The following DIAPH3 variants were observed in gnomAD, a reference collection of about 807,000 sequenced individuals.
DIAPH3 encodes the protein diaphanous related formin 3, also known as protein diaphanous homolog 3.
In DIAPH3, 117 loss-of-function variants were observed where a neutral mutation model predicts 144.3. The ratio of observed to expected loss-of-function variants is 0.81; its 90% CI spans 0.70 to 0.95. DIAPH3 has a LOEUF of 0.95. Ranked by LOEUF, DIAPH3 falls within the 40% of genes least tolerant of loss-of-function variation. The pLI, the probability that DIAPH3 is intolerant of heterozygous loss-of-function variation, is 0.00. For missense variants in DIAPH3, 1,421 were observed against 1,412.7 expected, an observed-to-expected ratio of 1.01 and a Z score of -0.09; for synonymous variants, 519 against 488.9, an observed-to-expected ratio of 1.06 and a Z score of -0.81.
chr13:59,774,320 C>A, intron 26 of DIAPH3, 72 bp from the exon 27 acceptor site: 1 of 1,286,742 alleles, frequency 7.8e-7, no homozygotes, highest in East Asian at 2.5e-5. Flanking sequence ...CAGTATTAGA[C>A]ATACTTTTTT....
intron 25 of DIAPH3, among the ~76,000 whole-genome samples, chr13:59,797,887 T>C (rs1330776050): frequency 6.6e-6 from 1 of 152,204 alleles, no homozygotes; most frequent in African/African-American, 2.4e-5. Context: ...TTAACAAATT[T>C]GTTTTTATTT....
chr13:59,774,506 A>G (rs1593814900), intron 26 of DIAPH3, among the ~76,000 whole-genome samples: 5 of 152,338 alleles, frequency 3.3e-5, no homozygotes, highest in East Asian at 3.9e-4. Context: ...TTCTAGGTTC[A>G]GTGCATTGAT....
intron 20 of DIAPH3, among the ~76,000 whole-genome samples, chr13:59,908,500 T>C (rs970848003): frequency 1.3e-5 from 2 of 152,062 alleles, no homozygotes; most frequent in African/African-American, 4.8e-5. Context: ...CCTGCCTTTC[T>C]ATCAAAGAGG....
chr13:59,771,875 C>T (rs2038141647), intron 27 of DIAPH3, among the ~76,000 whole-genome samples: 1 of 151,734 alleles, frequency 6.6e-6, no homozygotes, highest in African/African-American at 2.4e-5. Context: ...TTTAGTAAGC[C>T]AAATATCTCA....
intron 21 of DIAPH3, among the ~76,000 whole-genome samples, chr13:59,866,740 A>G (rs947139969): frequency 6.6e-6 from 1 of 152,136 alleles, no homozygotes. Context: ...TTATACCACT[A>G]TATTTTAATA....
intron 2 of DIAPH3, among the ~76,000 whole-genome samples, chr13:60,122,373 A>G (rs1381352595): frequency 6.6e-6 from 1 of 152,238 alleles, no homozygotes; most frequent in African/African-American, 2.4e-5. Flanking sequence ...AGACTGAGTT[A>G]GATGCTCAAA....
At chr13:59,842,220 A>G (rs2042389575) in intron 22 of DIAPH3, among the ~76,000 whole-genome samples, 1 of 151,924 alleles carries the variant, frequency 6.6e-6, no homozygotes, top group African/African-American at 2.4e-5. Context: ...ATATGTATTT[A>G]TTTTTAAGTA....
At chr13:59,841,187 T>C (rs2139780011) in intron 22 of DIAPH3, among the ~76,000 whole-genome samples, 1 of 152,250 alleles carries the variant, frequency 6.6e-6, no homozygotes, top group South Asian at 2.1e-4. Context: ...CTATTTGATC[T>C]CTCCCTTAAA....
intron 18 of DIAPH3, among the ~76,000 whole-genome samples, chr13:59,922,328 C>G (rs1301014724): frequency 6.6e-6 from 1 of 152,032 alleles, no homozygotes; most frequent in Non-Finnish European, 1.5e-5. Context: ...TAAGCCTTCT[C>G]TTGATCCTAG....
chr13:59,837,330 T>C (rs2042090095), intron 23 of DIAPH3, among the ~76,000 whole-genome samples: 1 of 152,066 alleles, frequency 6.6e-6, no homozygotes, highest in South Asian at 2.1e-4. Flanking sequence ...TGGTTGCTTT[T>C]TATGAGCCGC....
intron 3 of DIAPH3, among the ~76,000 whole-genome samples, chr13:60,094,642 A>G (rs2058052389): frequency 6.6e-6 from 1 of 152,154 alleles, no homozygotes; most frequent in South Asian, 2.1e-4. Context: ...GGATCCATAA[A>G]ATTCAGGACT....
chr13:59,714,230 G>A (rs1355320180), intron 27 of DIAPH3, among the ~76,000 whole-genome samples: 3 of 150,656 alleles, frequency 2.0e-5, no homozygotes, highest in Admixed American at 6.6e-5. Context: ...CGTAGTGGCG[G>A]GCGCCTGTAG....
chr13:59,868,249 G>A (rs368815037), intron 21 of DIAPH3, among the ~76,000 whole-genome samples: 1 of 152,062 alleles, frequency 6.6e-6, no homozygotes, highest in African/African-American at 2.4e-5. Flanking sequence ...TTTAGAGCAC[G>A]GATTTCTTAA....
intron 22 of DIAPH3, among the ~76,000 whole-genome samples, chr13:59,848,307 C>CTTTTTTTTT (rs71089517): frequency 3.9e-5 from 5 of 128,042 alleles, no homozygotes; most frequent in Admixed American, 8.2e-5. Context: ...AAAGTCAAAT[C>CTTTTTTTTT]TTTTTTTTTT....
chr13:59,760,588 G>A (rs568325701), intron 27 of DIAPH3, among the ~76,000 whole-genome samples: 2 of 152,278 alleles, frequency 1.3e-5, no homozygotes, highest in South Asian at 4.1e-4. Flanking sequence ...GGTAAATGTG[G>A]ACTTCGTTGT....
At chr13:59,908,664 C>A (rs547744012) in intron 20 of DIAPH3, among the ~76,000 whole-genome samples, 6 of 152,052 alleles carry the variant, frequency 3.9e-5, no homozygotes, top group Non-Finnish European at 4.4e-5. Flanking sequence ...TAAAACACAA[C>A]CTTTCAGAAA....
chr13:59,764,462 G>A (rs2037771483), intron 27 of DIAPH3, among the ~76,000 whole-genome samples: 1 of 151,426 alleles, frequency 6.6e-6, no homozygotes, highest in Admixed American at 6.6e-5. Flanking sequence ...GGGCCCTGTG[G>A]TGTTGTGGAT....
chr13:59,815,093 T>C (rs1399109785), intron 24 of DIAPH3, among the ~76,000 whole-genome samples: 2 of 152,238 alleles, frequency 1.3e-5, no homozygotes, highest in African/African-American at 2.4e-5. Context: ...TCATTCATTG[T>C]TGGAATCAAC....
intron 4 of DIAPH3, among the ~76,000 whole-genome samples, chr13:60,072,821 T>TA (rs2057256726): frequency 6.6e-6 from 1 of 152,178 alleles, no homozygotes; most frequent in African/African-American, 2.4e-5. Context: ...CCTACACACA[T>TA]AAAGTAATAT....
Sources: allele counts gnomAD v4.1 joint callset (sites outside exome capture counted in the v4.1 genomes callset), GRCh38; gene constraint gnomAD v4.1.1; transcripts MANE v1.5; gene names NCBI Gene and HGNC (gene_info 2026-07-23, HGNC 2026-07-21).